The following MFN2 variants were observed in gnomAD, a reference collection of about 807,000 sequenced individuals.
MFN2 encodes mitofusin-2.
Under a neutral mutation model 87.5 loss-of-function variants are expected in MFN2, and 43 were observed. The observed-to-expected ratio is 0.49, with a 90% CI of 0.38 to 0.63. The LOEUF is 0.63. MFN2 is among the 30% of genes least tolerant of loss of function. The pLI is 0.00. For synonymous variants in MFN2, 337 were observed against 359.9 expected (o/e 0.94, Z 0.72); for missense variants, 743 against 972.8 (o/e 0.76, Z 3.14).
chr1:11,999,104 T>G lies in MFN2; in HGVS notation c.816+9T>G, dbSNP rs1320498123. On this transcript the variant is annotated intron_variant, in intron 8 of 18. Transcript: ENST00000235329. ...CCGAGTACATGGAGGAGGTTCGTGC[T>G]TCTGTTTGGCAGTTTGGGGAATGCA... The G allele has an allele frequency of 6.2e-7, 1 of 1,613,656 alleles. No homozygotes were observed. Among genetic ancestry groups the G allele is most frequent in the East Asian group, 2.2e-5 (1 of 44,884 alleles).
chr1:12,007,773 TC>T (rs1639486394), intron 17 of MFN2, among the ~76,000 whole-genome samples: 1 of 152,086 alleles, frequency 6.6e-6, no homozygotes, highest in Admixed American at 6.5e-5. Flanking sequence ...TTTCTTTCTT[TC>T]TTTTTTTTTT....
chr1:11,993,585 ATT>A (rs1335016848), intron 4 of MFN2, among the ~76,000 whole-genome samples: 2 of 152,066 alleles, frequency 1.3e-5, no homozygotes, highest in African/African-American at 4.8e-5. Flanking sequence ...AATACAAAAA[ATT>A]AGCCGGGTGA....
chr1:11,999,810 G>A (rs113965986), intron 8 of MFN2, among the ~76,000 whole-genome samples: 2,387 of 152,052 alleles, frequency 0.016, 34 homozygotes, highest in African/African-American at 0.037. Flanking sequence ...AAAATAAAGG[G>A]TAGGCCGGGC....
Position 12,011,644 on chromosome 1 carries a change from C to A in MFN2, c.*79C>A. On this transcript the variant is annotated 3_prime_UTR_variant, in exon 19 of 19. Coordinates refer to ENST00000235329, the MANE Select transcript of MFN2 (RefSeq NM_014874.4). Reference sequence around the variant, plus strand: ...TGCCATGTGGGCTCCCCCAGGGGCACGTGTGGCTCCTGCCCCCTGGCCACT... The same window carrying A: ...TGCCATGTGGGCTCCCCCAGGGGCAAGTGTGGCTCCTGCCCCCTGGCCACT... 1 of 1,469,188 alleles carries A rather than the reference C, an allele frequency of 6.8e-7. No homozygotes were observed. Among genetic ancestry groups the A allele is most frequent in the Non-Finnish European group, 9.5e-7 (1 of 1,052,152 alleles). 91.0% of individuals were successfully genotyped at this position (1,469,188 alleles called of 1,614,324 possible).
chr1:11,984,353 G>T (rs1009526080), intron 2 of MFN2, among the ~76,000 whole-genome samples: 6 of 152,124 alleles, frequency 3.9e-5, no homozygotes, highest in African/African-American at 9.7e-5. Flanking sequence ...CTCCCTGAAG[G>T]CTGGGTGTTC....
At chr1:11,985,455 CTTTT>C (rs774330626) in intron 2 of MFN2, among the ~76,000 whole-genome samples, 23 of 119,700 alleles carry the variant, frequency 1.9e-4, no homozygotes, top group African/African-American at 7.5e-4. Flanking sequence ...TCCTTGATCC[CTTTT>C]TTTTTTTTTT....
chr1:11,989,990 G>T (rs1412351900), intron 3 of MFN2, among the ~76,000 whole-genome samples: 6 of 152,190 alleles, frequency 3.9e-5, no homozygotes, highest in Non-Finnish European at 8.8e-5. Flanking sequence ...TTGGCGCCAG[G>T]TCCTGAGATT....
intron 8 of MFN2, among the ~76,000 whole-genome samples, chr1:12,000,798 G>C (rs1190834962): frequency 6.6e-6 from 1 of 152,130 alleles, no homozygotes; most frequent in Non-Finnish European, 1.5e-5. Flanking sequence ...TTCCTTTCCT[G>C]CCAGGGCACC....
chr1:11,995,343 A>G (rs1396229198), intron 4 of MFN2, among the ~76,000 whole-genome samples: 1 of 152,140 alleles, frequency 6.6e-6, no homozygotes, highest in African/African-American at 2.4e-5. Flanking sequence ...GGTAAGAATG[A>G]GAAAGTAGGC....
In MFN2 at chr1:12,006,703, C is replaced by T. The variant is rs1639433802; in HGVS notation, c.1872+10C>T. ...TGTTGTTGGAGGAGTGGTCAGTGAC[C>T]AGTTCTGCTCGGGAAGGTGGGGGCG... On this transcript the variant is annotated intron_variant, in intron 16 of 18. Coordinates refer to ENST00000235329, the MANE Select transcript of MFN2 (RefSeq NM_014874.4). 2 of 1,613,562 alleles carry T rather than the reference C, an allele frequency of 1.2e-6. No individual in the cohort carries two copies. Among genetic ancestry groups the T allele is most frequent in the Non-Finnish European group, 1.7e-6 (2 of 1,179,804 alleles).
At chr1:11,988,400 G>T (rs867915666) in intron 2 of MFN2, among the ~76,000 whole-genome samples, 15 of 121,856 alleles carry the variant, frequency 1.2e-4, no homozygotes, top group African/African-American at 4.6e-4. Context: ...ACCATGCCTG[G>T]CTGTTTTTTT....
At chr1:11,988,487 C>A (rs1638527289) in intron 2 of MFN2, among the ~76,000 whole-genome samples, 1 of 150,960 alleles carries the variant, frequency 6.6e-6, no homozygotes, top group Admixed American at 6.6e-5. Context: ...GATCTGCCTG[C>A]CTTGGCCTCT....
chr1:12,009,164 C>T (rs1055409336), intron 17 of MFN2, among the ~76,000 whole-genome samples: 1 of 152,114 alleles, frequency 6.6e-6, no homozygotes, highest in Non-Finnish European at 1.5e-5. Context: ...AGTCCAGCTT[C>T]GGCTCGGCAT....
At position 11,992,967 on chromosome 1, in the gene MFN2, C is replaced by CTT. The variant is rs35911686; in HGVS notation, c.311+288_311+289dup. ...TGCAGGTGCATGCCATCAAGCCTGA[C>CTT]TTTTTTTTTTTTATTTTCTAATTAA... On this transcript the variant is annotated intron_variant, in intron 4 of 18. Transcript: ENST00000235329. 0.016 allele frequency among the ~76,000 whole-genome samples: 2,346 copies of CTT among 143,974 alleles called. 63 individuals carry two copies. The highest frequency in any genetic ancestry group is 0.071 in the East Asian group (349 of 4,930). 94.5% of individuals were successfully genotyped at this position (143,974 alleles called of 152,430 possible).
rs954427130 is a variant in MFN2, at chr1:12,003,762, C to G, written c.1161-230C>G. 6.6e-6 allele frequency among the ~76,000 whole-genome samples: 1 copy of G among 152,230 alleles called. No individual in the cohort carries two copies. The highest frequency in any genetic ancestry group is 2.4e-5 in the African/African-American group (1 of 41,458). On this transcript the variant is annotated intron_variant, in intron 11 of 18. Coordinates refer to ENST00000235329, the MANE Select transcript of MFN2 (RefSeq NM_014874.4). This position sits in a 1 kb window ranked among gnomAD's most constrained non-coding sequence, Gnocchi z 4.1. ...TTTGTTTAAACCCCCTTAAAGCGCC[C>G]TCCCTGTTTTGTGCCCACCACCTGA...
At chr1:11,991,955 A>AAAAAAAAAG (rs1638703453) in intron 3 of MFN2, among the ~76,000 whole-genome samples, 1 of 145,708 alleles carries the variant, frequency 6.9e-6, no homozygotes, top group African/African-American at 2.5e-5. Context: ...AAAAAAAAGA[A>AAAAAAAAAG]GTGACATAGA....
At chr1:12,010,085 C>T (rs954236082) in intron 18 of MFN2, among the ~76,000 whole-genome samples, 2 of 151,944 alleles carry the variant, frequency 1.3e-5, no homozygotes, top group African/African-American at 4.8e-5. Flanking sequence ...ACCCAGAAGG[C>T]GGAGGTTGCA....
chr1:12,007,296 G>A (rs1639468023), intron 17 of MFN2, 47 bp downstream of exon 17: 1 of 1,593,258 alleles, frequency 6.3e-7, no homozygotes, highest in Non-Finnish European at 8.6e-7. Context: ...TTTAGGCAGG[G>A]TCAGCCCCAT....
intron 2 of MFN2, among the ~76,000 whole-genome samples, chr1:11,983,958 T>G (rs1454850394): frequency 6.6e-6 from 1 of 152,112 alleles, no homozygotes; most frequent in African/African-American, 2.4e-5. Flanking sequence ...AGGCAGAGTT[T>G]GGAGGGGTTG....
Sources: allele counts gnomAD v4.1 joint callset (sites outside exome capture counted in the v4.1 genomes callset), GRCh38; gene constraint gnomAD v4.1.1; non-coding constraint Gnocchi (gnomAD v3.1); transcripts MANE v1.5; gene names NCBI Gene and HGNC (gene_info 2026-07-23, HGNC 2026-07-21).